CTNNA2: variants seen among roughly 807,000 people sequenced by gnomAD.
The protein encoded by CTNNA2 is catenin alpha 2, also known as catenin alpha-2.
CTNNA2 carries 42 observed loss-of-function variants against 101.0 expected under a neutral mutation model. The observed-to-expected ratio is 0.42, with a 90% CI of 0.32 to 0.54. CTNNA2 has a LOEUF of 0.54. CTNNA2 is among the 20% of genes least tolerant of loss of function. The pLI, the probability that CTNNA2 is intolerant of heterozygous loss-of-function variation, is 0.14. For synonymous variants in CTNNA2, 450 were observed against 456.4 expected, an observed-to-expected ratio of 0.99 and a Z score of 0.18; for missense variants, 871 against 1,223.1, an observed-to-expected ratio of 0.71 and a Z score of 4.29.
At chr2:79,885,384 A>T (rs1683781231) in intron 6 of CTNNA2, among the ~76,000 whole-genome samples, 1 of 152,186 alleles carries the variant, frequency 6.6e-6, no homozygotes, top group Non-Finnish European at 1.5e-5. Flanking sequence ...CTGCTGTGTA[A>T]GCTCTGGTCC....
At chr2:80,643,043 A>C (rs1673665191) in intron 18 of CTNNA2, among the ~76,000 whole-genome samples, 1 of 152,178 alleles carries the variant, frequency 6.6e-6, no homozygotes, top group South Asian at 2.1e-4. Flanking sequence ...GTAATAGCAC[A>C]AGATGGGAGG....
chr2:79,431,207 G>A (rs1678656158), intron 4 of CTNNA2, among the ~76,000 whole-genome samples: 1 of 152,136 alleles, frequency 6.6e-6, no homozygotes, highest in Non-Finnish European at 1.5e-5. Context: ...TTATCCTGAT[G>A]TAATTTCTTG....
At chr2:79,910,562 T>C (rs2104327520) in intron 7 of CTNNA2, among the ~76,000 whole-genome samples, 1 of 152,352 alleles carries the variant, frequency 6.6e-6, no homozygotes, top group South Asian at 2.1e-4. Context: ...GGATGATCTG[T>C]GCTTCCCCCT....
At chr2:80,557,721 T>A (rs1558584340) in intron 12 of CTNNA2, among the ~76,000 whole-genome samples, 1 of 152,230 alleles carries the variant, frequency 6.6e-6, no homozygotes, top group East Asian at 1.9e-4. Context: ...CTTGGACTGC[T>A]TTGACAACAG....
chr2:80,244,850 T>A (rs2149096494), intron 7 of CTNNA2, among the ~76,000 whole-genome samples: 1 of 152,288 alleles, frequency 6.6e-6, no homozygotes, highest in Non-Finnish European at 1.5e-5. Context: ...GTTTCTGTAG[T>A]CATTTCCATA....
chr2:80,053,099 A>G (rs1440138031), intron 7 of CTNNA2, among the ~76,000 whole-genome samples: 15 of 152,186 alleles, frequency 9.9e-5, no homozygotes, highest in Non-Finnish European at 2.2e-4. Flanking sequence ...TTACTTTGAC[A>G]TACATTCAAT....
At chr2:79,790,838 C>A (rs1462650296) in intron 3 of CTNNA2, among the ~76,000 whole-genome samples, 2 of 152,100 alleles carry the variant, frequency 1.3e-5, no homozygotes, top group African/African-American at 4.8e-5. Context: ...GACATAGTAA[C>A]CACTTTTGAC....
At chr2:79,932,536 C>G (rs1687522549) in intron 7 of CTNNA2, among the ~76,000 whole-genome samples, 1 of 150,200 alleles carries the variant, frequency 6.7e-6, no homozygotes, top group African/African-American at 2.5e-5. Context: ...AATGAAAATA[C>G]TGTTTCAGCT....
At chr2:80,486,911 C>G (rs1366272537) in intron 9 of CTNNA2, among the ~76,000 whole-genome samples, 1 of 152,090 alleles carries the variant, frequency 6.6e-6, no homozygotes, top group Non-Finnish European at 1.5e-5. Context: ...GTGTGTAGTG[C>G]TTGTTTAGTT....
chr2:80,611,588 G>C (rs1036948394), intron 17 of CTNNA2, among the ~76,000 whole-genome samples: 1 of 151,440 alleles, frequency 6.6e-6, no homozygotes, highest in African/African-American at 2.4e-5. Context: ...AGGTTTCACA[G>C]GGTTTAATCA....
chr2:80,051,604 A>G (rs190850633), intron 7 of CTNNA2, among the ~76,000 whole-genome samples: 3 of 152,308 alleles, frequency 2.0e-5, no homozygotes, highest in Non-Finnish European at 4.4e-5. Flanking sequence ...GGATCCCAAA[A>G]TCAATTTGAA....
intron 2 of CTNNA2, among the ~76,000 whole-genome samples, chr2:79,247,126 G>C (rs1028480392): frequency 6.6e-6 from 1 of 152,208 alleles, no homozygotes; most frequent in Non-Finnish European, 1.5e-5. Flanking sequence ...ACTTGTGGAT[G>C]TGGGAGGAAT....
chr2:80,565,113 G>A (rs1693940136), intron 12 of CTNNA2, among the ~76,000 whole-genome samples: 1 of 150,216 alleles, frequency 6.7e-6, no homozygotes, highest in African/African-American at 2.5e-5. Context: ...GAAACTGGGT[G>A]GCTGAGTAGA....
At chr2:79,840,410 T>G (rs1679711329) in intron 3 of CTNNA2, among the ~76,000 whole-genome samples, 1 of 152,242 alleles carries the variant, frequency 6.6e-6, no homozygotes, top group Admixed American at 6.5e-5. Context: ...TCAGCTTGCA[T>G]TATTTCAATC....
intron 7 of CTNNA2, among the ~76,000 whole-genome samples, chr2:80,306,016 T>G (rs1224958165): frequency 6.6e-6 from 1 of 152,194 alleles, no homozygotes; most frequent in Non-Finnish European, 1.5e-5. Context: ...GTAGATAGAC[T>G]GGACAAGTAA....
intron 7 of CTNNA2, among the ~76,000 whole-genome samples, chr2:80,104,242 T>C (rs976237063): frequency 1.3e-5 from 2 of 152,220 alleles, no homozygotes; most frequent in Non-Finnish European, 2.9e-5. Context: ...TTGCTACTCT[T>C]ATTTATCAGC....
At chr2:79,457,216 A>AG in intron 4 of CTNNA2, among the ~76,000 whole-genome samples, 1 of 151,602 alleles carries the variant, frequency 6.6e-6, no homozygotes, top group South Asian at 2.1e-4. Context: ...AAAAAAAAAA[A>AG]GAAAAAGAAA....
intron 3 of CTNNA2, among the ~76,000 whole-genome samples, chr2:79,314,488 G>C (rs1489518972): frequency 6.6e-6 from 1 of 152,192 alleles, no homozygotes; most frequent in Admixed American, 6.5e-5. Context: ...CTCTGGGGTG[G>C]AGGGTGGGGT....
chr2:80,072,961 G>A (rs925669206), intron 7 of CTNNA2, among the ~76,000 whole-genome samples: 2 of 152,178 alleles, frequency 1.3e-5, no homozygotes, highest in Non-Finnish European at 2.9e-5. Flanking sequence ...TATCACACAT[G>A]TGATGTATGA....
Sources: allele counts gnomAD v4.1 joint callset (sites outside exome capture counted in the v4.1 genomes callset), GRCh38; gene constraint gnomAD v4.1.1; transcripts MANE v1.5; gene names NCBI Gene and HGNC (gene_info 2026-07-23, HGNC 2026-07-21).